Variants in PHYKPL observed in about 807,000 individuals in gnomAD.
PHYKPL encodes the protein 5-phosphohydroxy-L-lysine phospho-lyase, also known as 5-phosphonooxy-L-lysine phospho-lyase.
Under a neutral mutation model 51.3 loss-of-function variants are expected in PHYKPL, and 42 were observed. The ratio of observed to expected loss-of-function variants is 0.82; its 90% CI spans 0.64 to 1.06. PHYKPL has a LOEUF of 1.06. Among genes scored for constraint, PHYKPL ranks in the 50% least tolerant of loss-of-function variants. PHYKPL has a pLI of 0.00. For synonymous variants in PHYKPL, 264 were observed against 236.0 expected, an observed-to-expected ratio of 1.12 and a Z score of -1.09; for missense variants, 655 against 586.6, an observed-to-expected ratio of 1.12 and a Z score of -1.20.
chr5:178,213,151 G>C, intron 10 of PHYKPL, 48 bp from the exon 11 acceptor site: 1 of 1,604,336 alleles, frequency 6.2e-7, no homozygotes, highest in Non-Finnish European at 8.5e-7. Context: ...GCCTTCCTCA[G>C]CCTGGCCTTG....
intron 12 of PHYKPL, chr5:178,209,223 CA>C: frequency 1.1e-6 from 1 of 916,918 alleles, no homozygotes; most frequent in East Asian, 2.4e-5. Flanking sequence ...TGTTTCTCAG[CA>C]AATGGACCTG....
intron 3 of PHYKPL, among the ~76,000 whole-genome samples, chr5:178,226,934 T>C (rs1762409715): frequency 6.6e-6 from 1 of 152,006 alleles, no homozygotes; most frequent in African/African-American, 2.4e-5. Flanking sequence ...TATATATGTG[T>C]GTATATACAA....
At chr5:178,229,908 C>G in intron 3 of PHYKPL, 32 bp downstream of exon 3, 1 of 1,607,006 alleles carries the variant, frequency 6.2e-7, no homozygotes. Flanking sequence ...CCGTCTCACC[C>G]TCTTCCCGGG....
intron 3 of PHYKPL, chr5:178,226,078 C>CT (rs112189205): frequency 0.027 from 3,721 of 136,690 alleles, 159 homozygotes; most frequent in African/African-American, 0.083. Flanking sequence ...TTTGGAATTT[C>CT]TTTTTTTTTT....
intron 12 of PHYKPL, chr5:178,210,985 T>TTAA (rs575338189): frequency 6.3e-4 from 159 of 250,570 alleles, no homozygotes; most frequent in Admixed American, 1.6e-3. Flanking sequence ...TTTTCACCTT[T>TTAA]TAATTTTATA....
chr5:178,227,238 G>A lies in PHYKPL; in HGVS notation c.339-1809C>T, dbSNP rs151095385. Among the ~76,000 whole-genome samples the A allele has an allele frequency of 2.4e-3, 361 of 152,150 alleles. 1 individual carries two copies. The highest frequency in any genetic ancestry group is 8.4e-3 in the African/African-American group (350 of 41,542). On this transcript the variant is annotated intron_variant, in intron 3 of 12. Coordinates refer to ENST00000308158, the MANE Select transcript of PHYKPL (RefSeq NM_153373.4). ...AAGAGAAAATCTGGACACACAAAGAGACACCAGGGACACCTGCACTCAGAA... is the reference window on the plus strand; with the variant it reads ...AAGAGAAAATCTGGACACACAAAGAAACACCAGGGACACCTGCACTCAGAA...
intron 8 of PHYKPL, chr5:178,216,950 T>G (rs956050480): frequency 1.4e-4 from 21 of 152,146 alleles, no homozygotes; most frequent in African/African-American, 5.1e-4. Flanking sequence ...GAGGATCACT[T>G]GAGCTCCAGA....
intron 3 of PHYKPL, among the ~76,000 whole-genome samples, chr5:178,226,871 G>A (rs1581348812): frequency 6.6e-6 from 1 of 152,170 alleles, no homozygotes; most frequent in East Asian, 1.9e-4. Flanking sequence ...GCCAGGAACT[G>A]TGGACGAAAA....
chr5:178,213,184 C>T, intron 10 of PHYKPL, 81 bp from the exon 11 acceptor site: 1 of 1,563,168 alleles, frequency 6.4e-7, no homozygotes. Context: ...GTGCTCCAGC[C>T]ACACTGTCCT....
intron 11 of PHYKPL, 111 bp from the exon 12 acceptor site, chr5:178,212,081 T>G: frequency 8.8e-7 from 1 of 1,134,216 alleles, no homozygotes; most frequent in Non-Finnish European, 1.3e-6. Context: ...GCCCTCTGGC[T>G]ATCCACACCC....
chr5:178,228,606 G>T (rs1006019711), intron 3 of PHYKPL: 2 of 702,428 alleles, frequency 2.8e-6, no homozygotes, highest in Non-Finnish European at 5.2e-6. Context: ...AATGAAGATG[G>T]TGAATTCCAC....
At chr5:178,230,326 C>T (rs1763129271) in intron 2 of PHYKPL, 5 of 546,654 alleles carry the variant, frequency 9.1e-6, no homozygotes, top group African/African-American at 3.8e-5. Flanking sequence ...AGCAGAAGAA[C>T]CCTGTCTAGA....
At position 178,213,002 on chromosome 5, in the gene PHYKPL, A is replaced by AG. The variant is rs1191351501; in HGVS notation, c.1273_1274insC (p.Val425AlafsTer11). The AG allele has an allele frequency of 6.2e-7, 1 of 1,614,090 alleles. No individual in the cohort carries two copies. Among genetic ancestry groups the AG allele is most frequent in the East Asian group, 2.2e-5 (1 of 44,882 alleles). Reference sequence around the variant, plus strand: ...CAGAATGGCATCCAGCTTTGCCACCACCTGCCGTGCATTGTCCAGGCTGAA... The same window carrying AG: ...CAGAATGGCATCCAGCTTTGCCACCAGCCTGCCGTGCATTGTCCAGGCTGAA... On this transcript the variant is annotated frameshift_variant, in exon 11 of 13. Coordinates refer to ENST00000308158, the MANE Select transcript of PHYKPL (RefSeq NM_153373.4). LOFTEE classifies it high-confidence loss of function.
chr5:178,207,567 C>T (rs1460153708), downstream of PHYKPL, among the ~76,000 whole-genome samples: 1 of 152,088 alleles, frequency 6.6e-6, no homozygotes, highest in Non-Finnish European at 1.5e-5. Flanking sequence ...AGTTTAAGGT[C>T]TCAGAAGATC....
At chr5:178,228,654 T>G (rs997716600) in intron 3 of PHYKPL, 10 of 700,740 alleles carry the variant, frequency 1.4e-5, no homozygotes, top group African/African-American at 5.2e-5. Context: ...GTCTGTACTG[T>G]GTGAGTGGCC....
chr5:178,216,583 T>G (rs956835485), intron 8 of PHYKPL: 3 of 152,246 alleles, frequency 2.0e-5, no homozygotes, highest in African/African-American at 7.2e-5. Context: ...ATTTCCACAG[T>G]TGCCACATTA....
chr5:178,231,121 T>C (rs1392163240), intron 2 of PHYKPL, among the ~76,000 whole-genome samples: 2 of 152,200 alleles, frequency 1.3e-5, no homozygotes, highest in East Asian at 1.9e-4. Context: ...CTGTGCTACG[T>C]TGCTGGTCAC....
chr5:178,226,468 A>G (rs1435843418), intron 3 of PHYKPL: 1 of 152,166 alleles, frequency 6.6e-6, no homozygotes, highest in African/African-American at 2.4e-5. Context: ...AGGGAAATAC[A>G]TTTACTGGTT....
At chr5:178,209,212 T>C in intron 12 of PHYKPL, 2 of 848,574 alleles carry the variant, frequency 2.4e-6, no homozygotes, top group South Asian at 3.0e-5. Flanking sequence ...CTAGCATATT[T>C]TGTTTCTCAG....
Sources: gnomAD v4.1 joint callset for allele counts (sites outside exome capture counted in the v4.1 genomes callset) on GRCh38, gnomAD v4.1.1 for gene constraint, MANE v1.5 for transcripts, NCBI Gene and HGNC (gene_info 2026-07-23, HGNC 2026-07-21) for gene names.